BCAS3: variants seen among roughly 807,000 people sequenced by gnomAD.
BCAS3 encodes BCAS4/BCAS3 fusion.
In BCAS3, 53 loss-of-function variants were observed where a neutral mutation model predicts 116.1. The ratio of observed to expected loss-of-function variants is 0.46; its 90% CI spans 0.37 to 0.57. BCAS3 has a LOEUF of 0.57. Among genes scored for constraint, BCAS3 ranks in the 20% least tolerant of loss-of-function variants. BCAS3 has a pLI of 0.00. For synonymous variants in BCAS3, 391 were observed against 408.2 expected, an observed-to-expected ratio of 0.96 and a Z score of 0.51; for missense variants, 917 against 1,165.4, an observed-to-expected ratio of 0.79 and a Z score of 3.10.
At chr17:61,359,130 G>A (rs528680938) in intron 22 of BCAS3, among the ~76,000 whole-genome samples, 1 of 152,232 alleles carries the variant, frequency 6.6e-6, no homozygotes, top group South Asian at 2.1e-4. Context: ...GCATTGCCCA[G>A]GCTCCAGTAT....
chr17:61,277,734 G>A (rs922546781), intron 22 of BCAS3, among the ~76,000 whole-genome samples: 3 of 152,116 alleles, frequency 2.0e-5, no homozygotes, highest in South Asian at 2.1e-4. Context: ...CAATAATCAC[G>A]TGAAAAGATG....
chr17:60,887,379 A>G (rs1233990441), intron 9 of BCAS3: 1 of 153,040 alleles, frequency 6.5e-6, no homozygotes, highest in Non-Finnish European at 1.4e-5. Context: ...TGAACCCGGT[A>G]CCTCAGATGG....
chr17:60,767,221 A>AACCAGATG (rs1475109189), intron 6 of BCAS3, among the ~76,000 whole-genome samples: 2 of 151,996 alleles, frequency 1.3e-5, no homozygotes, highest in East Asian at 3.9e-4. Flanking sequence ...GACCAGTCCC[A>AACCAGATG]ACCAGATGAA....
intron 7 of BCAS3, among the ~76,000 whole-genome samples, chr17:60,819,544 C>G (rs1351246318): frequency 6.6e-6 from 1 of 152,116 alleles, no homozygotes; most frequent in African/African-American, 2.4e-5. Context: ...CAAAGGAATG[C>G]TGGTTTAATT....
intron 22 of BCAS3, among the ~76,000 whole-genome samples, chr17:61,116,857 A>C (rs901696513): frequency 2.6e-5 from 4 of 152,120 alleles, no homozygotes; most frequent in Non-Finnish European, 4.4e-5. Context: ...ATGTGATGTT[A>C]ATTGAAGTTT....
intron 22 of BCAS3, among the ~76,000 whole-genome samples, chr17:61,335,103 C>A (rs1208356493): frequency 6.6e-6 from 1 of 152,242 alleles, no homozygotes; most frequent in African/African-American, 2.4e-5. Flanking sequence ...AGCCTGGTGT[C>A]ATTTTCAGCC....
At chr17:61,127,680 T>C (rs1356401821) in intron 22 of BCAS3, among the ~76,000 whole-genome samples, 1 of 147,456 alleles carries the variant, frequency 6.8e-6, no homozygotes, top group African/African-American at 2.5e-5. Context: ...CTATCTTGTA[T>C]GCCCAGAGGT....
chr17:60,966,918 T>C (rs2145330415), intron 14 of BCAS3, among the ~76,000 whole-genome samples: 1 of 152,252 alleles, frequency 6.6e-6, no homozygotes, highest in Non-Finnish European at 1.5e-5. Flanking sequence ...AGTGCTGGGA[T>C]TACAGATGTG....
At chr17:60,679,053 G>T (rs188451596) in intron 1 of BCAS3, among the ~76,000 whole-genome samples, 49 of 152,222 alleles carry the variant, frequency 3.2e-4, no homozygotes, top group Non-Finnish European at 5.4e-4. Flanking sequence ...GTGAAACCCC[G>T]TCGCTACAAA....
chr17:60,979,078 G>A (rs1788931848), intron 14 of BCAS3, among the ~76,000 whole-genome samples: 1 of 144,974 alleles, frequency 6.9e-6, no homozygotes, highest in Non-Finnish European at 1.5e-5. Context: ...CATTGAATCT[G>A]TAAATTACCT....
At chr17:60,851,604 C>A in intron 7 of BCAS3, 1 of 643,564 alleles carries the variant, frequency 1.6e-6, no homozygotes, top group Non-Finnish European at 2.9e-6. Flanking sequence ...CGAGGAAGTA[C>A]AAATAAAAGG....
At chr17:60,767,819 G>C (rs1168975005) in intron 6 of BCAS3, among the ~76,000 whole-genome samples, 3 of 151,806 alleles carry the variant, frequency 2.0e-5, no homozygotes, top group Non-Finnish European at 4.4e-5. Flanking sequence ...ACATTCTTTA[G>C]AGACGGGGTC....
Position 60,921,040 on chromosome 17 carries a change from C to A in BCAS3, c.994-3367C>A, listed in dbSNP as rs143521491. 7.2e-3 allele frequency among the ~76,000 whole-genome samples: 1,091 copies of A among 152,290 alleles called. 12 individuals carry two copies. The highest frequency in any genetic ancestry group is 0.024 in the African/African-American group (993 of 41,564). On this transcript the variant is annotated intron_variant, in intron 12 of 23. Transcript: ENST00000407086. ...CTTCTCAACTTAAACAAAGCTACCA[C>A]TTGACCCAGCAATCCCACTAATGGG...
intron 6 of BCAS3, among the ~76,000 whole-genome samples, chr17:60,774,167 C>G (rs1170808450): frequency 6.6e-6 from 1 of 152,188 alleles, no homozygotes. Context: ...TTTCCCTCCC[C>G]TCTTGTTCCA....
At chr17:60,880,332 A>G (rs961532984) in intron 9 of BCAS3, among the ~76,000 whole-genome samples, 4 of 151,656 alleles carry the variant, frequency 2.6e-5, no homozygotes, top group African/African-American at 9.7e-5. Flanking sequence ...CTCTGTCGCC[A>G]GGCTGGAGTG....
At chr17:60,752,747 T>G (rs1451147077) in intron 6 of BCAS3, among the ~76,000 whole-genome samples, 3 of 152,246 alleles carry the variant, frequency 2.0e-5, no homozygotes, top group Non-Finnish European at 2.9e-5. Flanking sequence ...CATTTATACA[T>G]GAGAATCCCA....
rs568363859 is a variant in BCAS3 at position 61,260,403 on chromosome 17, GT to G, written c.2426-107923del. The stretch of plus-strand genomic sequence containing the variant: ...GGTCATCTGTTTATACTGACACAAG[GT>G]CTATAGAAAATGAGAGAGTTGGCAT... On this transcript the variant is annotated intron_variant, in intron 22 of 23. Coordinates refer to ENST00000407086, the MANE Select transcript of BCAS3 (RefSeq NM_017679.5). Among the ~76,000 whole-genome samples the G allele has an allele frequency of 3.9e-5, 6 of 152,302 alleles. No individual in the cohort carries two copies. The East Asian group carries it at 9.6e-4, about 24-fold the overall frequency.
chr17:61,012,581 A>G lies in BCAS3; in HGVS notation c.1487-3170A>G, dbSNP rs1280925054. Among the ~76,000 whole-genome samples the G allele has an allele frequency of 1.3e-5, 2 of 152,064 alleles. No individual in the cohort carries two copies. Among genetic ancestry groups the G allele is most frequent in the Non-Finnish European group, 2.9e-5 (2 of 67,936 alleles). ...TGTTTATAAGTTGCTAGCCATATCC[A>G]TTAATATGTAAGACAGACACCACCC... On this transcript the variant is annotated intron_variant, in intron 15 of 23. Coordinates refer to ENST00000407086, the MANE Select transcript of BCAS3 (RefSeq NM_017679.5). This position sits in a 1 kb window ranked among gnomAD's most constrained non-coding sequence, Gnocchi z 4.5.
chr17:60,823,260 T>A (rs2050112020), intron 7 of BCAS3, among the ~76,000 whole-genome samples: 1 of 152,184 alleles, frequency 6.6e-6, no homozygotes, highest in Non-Finnish European at 1.5e-5. Flanking sequence ...ATTTTAGTTT[T>A]TATTTAGTCC....
Sources: allele counts gnomAD v4.1 joint callset (sites outside exome capture counted in the v4.1 genomes callset), GRCh38; gene constraint gnomAD v4.1.1; non-coding constraint Gnocchi (gnomAD v3.1); transcripts MANE v1.5; gene names NCBI Gene and HGNC (gene_info 2026-07-23, HGNC 2026-07-21).